CCDC178: variants seen among roughly 807,000 people sequenced by gnomAD.
CCDC178 encodes coiled-coil domain-containing protein 178.
A neutral mutation model predicts 117.4 loss-of-function variants in CCDC178; 126 were observed. The observed-to-expected ratio is 1.07, with a 90% CI of 0.93 to 1.24. The LOEUF is 1.24. Among genes scored for constraint, CCDC178 ranks in the 50% most tolerant of loss-of-function variants. CCDC178 has a pLI of 0.00. For synonymous variants in CCDC178, 283 were observed against 313.4 expected, an observed-to-expected ratio of 0.90 and a Z score of 1.02; for missense variants, 1,030 against 986.9, an observed-to-expected ratio of 1.04 and a Z score of -0.59.
At chr18:33,095,903 T>C (rs1426156078) in intron 20 of CCDC178, among the ~76,000 whole-genome samples, 1 of 152,002 alleles carries the variant, frequency 6.6e-6, no homozygotes, top group East Asian at 1.9e-4. Context: ...AAGAATTCTT[T>C]ATTTTGGGTG....
intron 20 of CCDC178, among the ~76,000 whole-genome samples, chr18:33,118,779 G>A (rs1254101082): frequency 1.3e-5 from 2 of 152,120 alleles, no homozygotes; most frequent in Non-Finnish European, 2.9e-5. Context: ...CATGCTACCT[G>A]ACTTCAAACT....
chr18:33,423,623 C>T (rs1321852139), intron 2 of CCDC178, among the ~76,000 whole-genome samples: 1 of 152,118 alleles, frequency 6.6e-6, no homozygotes, highest in Non-Finnish European at 1.5e-5. Flanking sequence ...TGGGGAAACA[C>T]ATGTTGGTGT....
At chr18:33,281,097 T>TATAAGAATAATAATAATAATAATA (rs1568112685) in intron 12 of CCDC178, among the ~76,000 whole-genome samples, 1 of 145,584 alleles carries the variant, frequency 6.9e-6, no homozygotes, top group East Asian at 2.0e-4. Flanking sequence ...AAACTTAAAG[T>TATAAGAATAATAATAATAATAATA]ATAATAATAA....
chr18:32,969,224 G>A (rs1035593906), intron 22 of CCDC178, among the ~76,000 whole-genome samples: 2 of 152,000 alleles, frequency 1.3e-5, no homozygotes, highest in African/African-American at 4.8e-5. Flanking sequence ...ATACTAGTGG[G>A]TGAGAAGGCA....
At chr18:33,236,336 T>C (rs538969126) in intron 15 of CCDC178, among the ~76,000 whole-genome samples, 3 of 152,310 alleles carry the variant, frequency 2.0e-5, no homozygotes, top group South Asian at 4.1e-4. Context: ...CAAACTTGAA[T>C]TACTATAAAC....
chr18:33,114,567 C>T (rs956418105), intron 20 of CCDC178, among the ~76,000 whole-genome samples: 2 of 151,972 alleles, frequency 1.3e-5, no homozygotes, highest in Non-Finnish European at 2.9e-5. Flanking sequence ...AAGGAGCCCA[C>T]AGAAAATCCA....
chr18:33,129,940 T>C (rs1425339760), intron 20 of CCDC178, among the ~76,000 whole-genome samples: 1 of 152,000 alleles, frequency 6.6e-6, no homozygotes. Flanking sequence ...ATAAAAATTA[T>C]AGTAATGTTC....
At chr18:33,124,175 A>G (rs2057973303) in intron 20 of CCDC178, among the ~76,000 whole-genome samples, 1 of 152,224 alleles carries the variant, frequency 6.6e-6, no homozygotes, top group Admixed American at 6.5e-5. Flanking sequence ...TGCAGTTTGC[A>G]TTGTTTACTT....
intron 20 of CCDC178, among the ~76,000 whole-genome samples, chr18:33,209,315 G>A (rs166607): frequency 0.088 from 13,410 of 151,970 alleles, 715 homozygotes; most frequent in African/African-American, 0.15. Context: ...TGAAGTTTGT[G>A]TATATTTTCT....
At chr18:33,087,024 C>A (rs1389352396) in intron 21 of CCDC178, among the ~76,000 whole-genome samples, 2 of 131,614 alleles carry the variant, frequency 1.5e-5, no homozygotes, top group Non-Finnish European at 3.3e-5. Flanking sequence ...AACAAAATAG[C>A]CATTGGTTGA....
intron 22 of CCDC178, among the ~76,000 whole-genome samples, chr18:32,960,184 T>C (rs1239456625): frequency 6.6e-6 from 1 of 152,110 alleles, no homozygotes; most frequent in African/African-American, 2.4e-5. Context: ...CTTTTGTTTA[T>C]CTTTAAAGGG....
intron 21 of CCDC178, among the ~76,000 whole-genome samples, chr18:33,077,209 A>T (rs2057224524): frequency 6.6e-6 from 1 of 152,240 alleles, no homozygotes; most frequent in Non-Finnish European, 1.5e-5. Flanking sequence ...AAAGAAAAAT[A>T]ATAAAAGAGG....
chr18:33,434,292 A>C (rs2064260216), intron 2 of CCDC178, among the ~76,000 whole-genome samples: 4 of 152,202 alleles, frequency 2.6e-5, no homozygotes. Context: ...AAAATCAAAA[A>C]TAATAAGCAG....
intron 14 of CCDC178, among the ~76,000 whole-genome samples, chr18:33,256,379 A>G (rs1274921311): frequency 6.6e-6 from 1 of 152,090 alleles, no homozygotes; most frequent in African/African-American, 2.4e-5. Flanking sequence ...GTTGAGACCA[A>G]CAGCACAGAT....
chr18:33,007,294 G>T (rs1314955407), intron 21 of CCDC178, among the ~76,000 whole-genome samples: 1 of 151,834 alleles, frequency 6.6e-6, no homozygotes, highest in Non-Finnish European at 1.5e-5. Flanking sequence ...GTTGTTGTGG[G>T]GGTTCTATGG....
At chr18:33,342,673 C>T (rs2062831668) in intron 9 of CCDC178, among the ~76,000 whole-genome samples, 1 of 152,146 alleles carries the variant, frequency 6.6e-6, no homozygotes, top group Admixed American at 6.5e-5. Context: ...CTGACCTGAA[C>T]CCAACATACA....
rs9959853 is a variant in CCDC178, at chr18:33,189,064, G to T, written c.2238+22832C>A. On this transcript the variant is annotated intron_variant, in intron 20 of 22. Coordinates refer to ENST00000383096, the MANE Select transcript of CCDC178 (RefSeq NM_001105528.4). Reference sequence around the variant, plus strand: ...TGATTATGACTTTCAAAGAGAAATTGAGCCACTACTACTTAATGCAAGTAA... The same window carrying T: ...TGATTATGACTTTCAAAGAGAAATTTAGCCACTACTACTTAATGCAAGTAA... Among the ~76,000 whole-genome samples the T allele has an allele frequency of 8.5e-3, 1,291 of 152,190 alleles. 16 individuals are homozygous for T. Among genetic ancestry groups the T allele is most frequent in the African/African-American group, 0.029 (1,206 of 41,516 alleles).
At chr18:33,402,177 C>G (rs2063717372) in intron 3 of CCDC178, among the ~76,000 whole-genome samples, 1 of 152,084 alleles carries the variant, frequency 6.6e-6, no homozygotes, top group Admixed American at 6.6e-5. Flanking sequence ...AAAGAGATAT[C>G]AGAGAAAATG....
At chr18:33,423,373 A>T (rs369908810) in intron 2 of CCDC178, among the ~76,000 whole-genome samples, 2 of 152,162 alleles carry the variant, frequency 1.3e-5, no homozygotes, top group African/African-American at 2.4e-5. Flanking sequence ...CTGTAAAAAA[A>T]TTCGACATAA....
Sources: allele counts gnomAD v4.1 joint callset (sites outside exome capture counted in the v4.1 genomes callset), GRCh38; gene constraint gnomAD v4.1.1; transcripts MANE v1.5; gene names NCBI Gene and HGNC (gene_info 2026-07-23, HGNC 2026-07-21).